The following TMEM163 variants were observed in gnomAD, a reference collection of about 807,000 sequenced individuals.
The protein encoded by TMEM163 is transmembrane protein 163.
Under a neutral mutation model 29.3 loss-of-function variants are expected in TMEM163, and 17 were observed. The observed-to-expected ratio is 0.58, with a 90% confidence interval of 0.40 to 0.87. The LOEUF (loss-of-function observed/expected upper bound fraction) is 0.87. TMEM163 is among the 40% of genes least tolerant of loss of function. The probability of loss-of-function intolerance (pLI) is 0.00; values close to 1 mark genes in which losing one functional copy is unlikely to be tolerated. For synonymous variants in TMEM163, 157 were observed against 160.6 expected, an observed-to-expected ratio of 0.98 and a Z score of 0.17; for missense variants, 303 against 381.5, an observed-to-expected ratio of 0.79 and a Z score of 1.71.
chr2:134,658,948 G>C (rs1683683726), intron 2 of TMEM163, among the ~76,000 whole-genome samples: 2 of 152,096 alleles, frequency 1.3e-5, no homozygotes, highest in Non-Finnish European at 2.9e-5. Flanking sequence ...CTCAAATACA[G>C]TCATGTGTCT....
chr2:134,538,910 T>C (rs575229158), intron 4 of TMEM163, among the ~76,000 whole-genome samples: 2 of 152,224 alleles, frequency 1.3e-5, no homozygotes, highest in East Asian at 1.9e-4. Flanking sequence ...TGAAATAGAC[T>C]GTGGTGATGG....
At chr2:134,523,599 A>G (rs1680232489) in intron 4 of TMEM163, among the ~76,000 whole-genome samples, 4 of 152,160 alleles carry the variant, frequency 2.6e-5, no homozygotes, top group Admixed American at 2.0e-4. Context: ...TTTCTCAGCA[A>G]AGGAGCTGAT....
At chr2:134,650,503 C>CTTTTT (rs201093262) in intron 2 of TMEM163, among the ~76,000 whole-genome samples, 2 of 113,902 alleles carry the variant, frequency 1.8e-5, no homozygotes, top group African/African-American at 7.8e-5. Flanking sequence ...CCTTCTATTT[C>CTTTTT]TTTTTTTTGT....
At chr2:134,547,994 T>C (rs566976861) in intron 4 of TMEM163, among the ~76,000 whole-genome samples, 1 of 152,294 alleles carries the variant, frequency 6.6e-6, no homozygotes, top group South Asian at 2.1e-4. Context: ...ACGAAACTCA[T>C]TTCAGCAGAA....
At chr2:134,622,853 A>G (rs1574288059) in intron 2 of TMEM163, among the ~76,000 whole-genome samples, 1 of 151,868 alleles carries the variant, frequency 6.6e-6, no homozygotes, top group South Asian at 2.1e-4. Context: ...ACCTCCGCCT[A>G]CTGGGTTCAA....
intron 2 of TMEM163, among the ~76,000 whole-genome samples, chr2:134,598,882 C>T (rs1184428494): frequency 3.4e-5 from 5 of 148,998 alleles, no homozygotes; most frequent in Non-Finnish European, 3.0e-5. Context: ...GATAGTGCCA[C>T]TACACTCCAG....
chr2:134,593,668 G>T (rs1363146487), intron 2 of TMEM163, among the ~76,000 whole-genome samples: 1 of 152,096 alleles, frequency 6.6e-6, no homozygotes, highest in African/African-American at 2.4e-5. Context: ...GGTAAGCCGA[G>T]TCTTGAAACG....
intron 2 of TMEM163, among the ~76,000 whole-genome samples, chr2:134,600,393 G>A (rs1343448879): frequency 6.6e-6 from 1 of 152,136 alleles, no homozygotes; most frequent in East Asian, 1.9e-4. Context: ...ATACCTGAGG[G>A]CCTATTACGT....
intron 2 of TMEM163, among the ~76,000 whole-genome samples, chr2:134,620,317 C>T (rs930826427): frequency 2.0e-5 from 3 of 151,232 alleles, no homozygotes; most frequent in Non-Finnish European, 4.4e-5. Context: ...AGTGCAATGG[C>T]GCGATCTCGG....
intron 2 of TMEM163, among the ~76,000 whole-genome samples, chr2:134,687,725 T>C (rs1684379106): frequency 6.6e-6 from 1 of 152,162 alleles, no homozygotes. Context: ...TACCCTGGAC[T>C]TTTTCATCAG....
At chr2:134,697,836 T>A (rs948861430) in intron 2 of TMEM163, among the ~76,000 whole-genome samples, 4 of 152,214 alleles carry the variant, frequency 2.6e-5, no homozygotes, top group African/African-American at 9.7e-5. Flanking sequence ...GCAAATATCT[T>A]ATTAAAGACT....
chr2:134,716,947 T>C (rs1026890613), intron 1 of TMEM163, among the ~76,000 whole-genome samples: 1 of 152,234 alleles, frequency 6.6e-6, no homozygotes, highest in Non-Finnish European at 1.5e-5. Context: ...AGAGGCTGTG[T>C]GTGATATGCC....
chr2:134,563,990 G>T (rs989298810), intron 2 of TMEM163, among the ~76,000 whole-genome samples: 1 of 152,168 alleles, frequency 6.6e-6, no homozygotes, highest in Non-Finnish European at 1.5e-5. Context: ...GGCGGAGGTT[G>T]CAGTGAGCCG....
At chr2:134,714,232 C>T (rs1413474365) in intron 1 of TMEM163, among the ~76,000 whole-genome samples, 1 of 152,144 alleles carries the variant, frequency 6.6e-6, no homozygotes, top group African/African-American at 2.4e-5. Context: ...CTTAGTTGCA[C>T]ACAGTACCAC....
chr2:134,528,895 G>A (rs930610139), intron 4 of TMEM163, among the ~76,000 whole-genome samples: 3 of 152,092 alleles, frequency 2.0e-5, no homozygotes, highest in Admixed American at 6.5e-5. Context: ...GGTTAATAAC[G>A]GTGCATCAAT....
intron 2 of TMEM163, among the ~76,000 whole-genome samples, chr2:134,556,424 A>G (rs923801406): frequency 5.3e-5 from 8 of 152,266 alleles, no homozygotes; most frequent in African/African-American, 1.7e-4. Context: ...TTATAACAGC[A>G]AAACATTAGA....
At chr2:134,547,636 C>A (rs1461458848) in intron 4 of TMEM163, among the ~76,000 whole-genome samples, 1 of 152,120 alleles carries the variant, frequency 6.6e-6, no homozygotes, top group Non-Finnish European at 1.5e-5. Context: ...GGGGTAAAGC[C>A]AGGGATTAAA....
intron 4 of TMEM163, among the ~76,000 whole-genome samples, chr2:134,536,557 T>C (rs1406492755): frequency 6.6e-6 from 1 of 152,144 alleles, no homozygotes; most frequent in Non-Finnish European, 1.5e-5. Flanking sequence ...GGATCCCAGC[T>C]CTATGGCTCT....
At chr2:134,485,332 T>C (rs1679283741) in intron 5 of TMEM163, among the ~76,000 whole-genome samples, 1 of 152,232 alleles carries the variant, frequency 6.6e-6, no homozygotes, top group Non-Finnish European at 1.5e-5. Context: ...AACAGAATGG[T>C]TACATGGGTC....
Sources: allele counts gnomAD v4.1 joint callset (sites outside exome capture counted in the v4.1 genomes callset), GRCh38; gene constraint gnomAD v4.1.1; transcripts MANE v1.5; gene names NCBI Gene and HGNC (gene_info 2026-07-23, HGNC 2026-07-21).